The following PTN variants were observed in gnomAD, a reference collection of about 807,000 sequenced individuals.
The protein encoded by PTN is pleiotrophin, also known as heparin affin regulatory protein.
Under a neutral mutation model 24.1 loss-of-function variants are expected in PTN, and 18 were observed. That is an observed-to-expected ratio of 0.75 (90% CI 0.52 to 1.11). The LOEUF (loss-of-function observed/expected upper bound fraction) is 1.11, where lower values mean the gene tolerates loss of function less well. PTN is among the 50% of genes least tolerant of loss of function. The probability of loss-of-function intolerance (pLI) is 0.00; values close to 1 mark genes in which losing one functional copy is unlikely to be tolerated. For missense variants in PTN, 163 were observed against 198.8 expected, an observed-to-expected ratio of 0.82 and a Z score of 1.08; for synonymous variants, 78 against 68.6, an observed-to-expected ratio of 1.14 and a Z score of -0.67.
intron 1 of PTN, among the ~76,000 whole-genome samples, chr7:137,284,243 A>T (rs1809519505): frequency 6.6e-6 from 1 of 151,898 alleles, no homozygotes; most frequent in Admixed American, 6.6e-5. Context: ...AGCGTGAGCC[A>T]CCGCGCCGGG....
chr7:137,240,003 G>A (rs1021138297), intron 4 of PTN, among the ~76,000 whole-genome samples: 11 of 151,988 alleles, frequency 7.2e-5, no homozygotes, highest in East Asian at 3.9e-4. Flanking sequence ...TGCTTGTTTC[G>A]TTTAGAACAC....
intron 1 of PTN, among the ~76,000 whole-genome samples, chr7:137,258,274 G>T (rs1364058568): frequency 6.6e-6 from 1 of 152,160 alleles, no homozygotes; most frequent in Admixed American, 6.5e-5. Flanking sequence ...GAGTTGGAGA[G>T]AAAGTAGAAT....
chr7:137,324,433 A>AATATATATATATAT (rs71176396), intron 1 of PTN, among the ~76,000 whole-genome samples: 7 of 88,752 alleles, frequency 7.9e-5, no homozygotes, highest in African/African-American at 4.8e-4. Flanking sequence ...AAAAAAAAAA[A>AATATATATATATAT]ATATATATAT....
chr7:137,317,896 C>T (rs1383079341), intron 1 of PTN, among the ~76,000 whole-genome samples: 4 of 152,020 alleles, frequency 2.6e-5, no homozygotes, highest in African/African-American at 9.7e-5. Context: ...CCTGGGAGTT[C>T]AAGGAGTGGG....
chr7:137,249,277 G>T (rs1179413414), intron 4 of PTN, among the ~76,000 whole-genome samples: 1 of 147,440 alleles, frequency 6.8e-6, no homozygotes, highest in Non-Finnish European at 1.5e-5. Flanking sequence ...GTGCACGTGT[G>T]TGTGTGTGTG....
chr7:137,308,620 T>C (rs1240536821), intron 1 of PTN, among the ~76,000 whole-genome samples: 2 of 152,096 alleles, frequency 1.3e-5, no homozygotes, highest in African/African-American at 4.8e-5. Flanking sequence ...GATCTGGTAA[T>C]AATCACAGTC....
chr7:137,310,404 G>GT (rs60905346), intron 1 of PTN, among the ~76,000 whole-genome samples: 27 of 115,792 alleles, frequency 2.3e-4, no homozygotes, highest in African/African-American at 6.6e-4. Flanking sequence ...TTTTTTTTTT[G>GT]TTTTTTTTTT....
At chr7:137,340,468 G>C (rs1810516570) in intron 1 of PTN, among the ~76,000 whole-genome samples, 2 of 152,182 alleles carry the variant, frequency 1.3e-5, no homozygotes, top group African/African-American at 4.8e-5. Context: ...AACTTGAATT[G>C]TCCATAAACA....
intron 4 of PTN, among the ~76,000 whole-genome samples, chr7:137,240,137 T>C (rs1387131185): frequency 1.3e-5 from 2 of 152,186 alleles, no homozygotes; most frequent in Non-Finnish European, 2.9e-5. Context: ...TGGTTCTGTT[T>C]AGTTTTTAAG....
chr7:137,233,173 C>T (rs1313336063), intron 4 of PTN, among the ~76,000 whole-genome samples: 2 of 151,804 alleles, frequency 1.3e-5, no homozygotes, highest in African/African-American at 2.4e-5. Flanking sequence ...TTAAGTGACA[C>T]CATGGCCTTT....
At chr7:137,327,240 C>A (rs1000435077) in intron 1 of PTN, among the ~76,000 whole-genome samples, 26 of 152,126 alleles carry the variant, frequency 1.7e-4, no homozygotes, top group Non-Finnish European at 2.9e-4. Flanking sequence ...TTTACCAATT[C>A]TTTTCTTCTC....
intron 1 of PTN, among the ~76,000 whole-genome samples, chr7:137,295,760 T>C (rs544566659): frequency 1.1e-4 from 16 of 152,174 alleles, no homozygotes; most frequent in African/African-American, 3.4e-4. Context: ...ATATTTGTAT[T>C]GGCCGGTACT....
chr7:137,259,234 C>T (rs1808989657), intron 1 of PTN, among the ~76,000 whole-genome samples: 1 of 151,998 alleles, frequency 6.6e-6, no homozygotes, highest in South Asian at 2.1e-4. Context: ...AGAGAGCTCC[C>T]CTTTTCCTTA....
chr7:137,252,480 T>C (rs1238778599), intron 3 of PTN, among the ~76,000 whole-genome samples: 1 of 151,984 alleles, frequency 6.6e-6, no homozygotes, highest in African/African-American at 2.4e-5. Flanking sequence ...CTTTAAGATA[T>C]ACCTTTTAAA....
chr7:137,276,946 A>T (rs1278133036), intron 1 of PTN, among the ~76,000 whole-genome samples: 1 of 152,256 alleles, frequency 6.6e-6, no homozygotes, highest in Non-Finnish European at 1.5e-5. Context: ...ACTCAAAAAA[A>T]CTACCAGAAT....
At chr7:137,335,678 G>C (rs564442435) in intron 1 of PTN, among the ~76,000 whole-genome samples, 5 of 152,240 alleles carry the variant, frequency 3.3e-5, no homozygotes, top group Non-Finnish European at 5.9e-5. Flanking sequence ...GATTTCATTG[G>C]AGACCTACTG....
At chr7:137,255,416 A>G (rs1808903941) in intron 1 of PTN, among the ~76,000 whole-genome samples, 1 of 152,246 alleles carries the variant, frequency 6.6e-6, no homozygotes, top group Admixed American at 6.5e-5. Flanking sequence ...TTGAGTAGAC[A>G]TGATGAATGA....
intron 1 of PTN, among the ~76,000 whole-genome samples, chr7:137,281,603 A>T (rs1222763691): frequency 6.6e-6 from 1 of 152,202 alleles, no homozygotes; most frequent in Non-Finnish European, 1.5e-5. Flanking sequence ...CTGAACTCTT[A>T]TTTCTGCACA....
chr7:137,280,172 T>G (rs930178379), intron 1 of PTN, among the ~76,000 whole-genome samples: 7 of 152,184 alleles, frequency 4.6e-5, no homozygotes, highest in African/African-American at 1.7e-4. Context: ...TTAGAAAATC[T>G]AATTACTTAC....
Sources: allele counts gnomAD v4.1 joint callset (sites outside exome capture counted in the v4.1 genomes callset), GRCh38; gene constraint gnomAD v4.1.1; transcripts MANE v1.5; gene names NCBI Gene and HGNC (gene_info 2026-07-23, HGNC 2026-07-21).